Variants in LOC112694756 observed in about 807,000 individuals in gnomAD.
the LOC112694756 span, chr16:30,063,904 C>T: frequency 1.0e-5 from 4 of 398,974 alleles, no homozygotes; most frequent in Non-Finnish European, 1.8e-5. Flanking sequence ...GCCCTCCTCC[C>T]TGAAGAGCCT....
chr16:30,069,130 G>A, the LOC112694756 span: 2 of 1,371,070 alleles, frequency 1.5e-6, no homozygotes, highest in South Asian at 2.4e-5. Flanking sequence ...AAGGCAGAGG[G>A]GCCAAGGAGG....
the LOC112694756 span, among the ~76,000 whole-genome samples, chr16:30,063,232 G>A: frequency 3.3e-5 from 5 of 152,028 alleles, no homozygotes; most frequent in African/African-American, 1.2e-4. Context: ...CGGTCTGTTC[G>A]TTGCACAGAG....
chr16:30,063,171 A>G, the LOC112694756 span, among the ~76,000 whole-genome samples: 1 of 152,064 alleles, frequency 6.6e-6, no homozygotes, highest in Non-Finnish European at 1.5e-5. Flanking sequence ...AAATAGGTAA[A>G]TTGCCATTTT....
At chr16:30,054,511 CAA>C in the LOC112694756 span, 2 of 289,476 alleles carry the variant, frequency 6.9e-6, no homozygotes, top group East Asian at 5.7e-5. Flanking sequence ...GAGTCAGAGA[CAA>C]GAGATCTCTT....
chr16:30,062,808 C>T, the LOC112694756 span, among the ~76,000 whole-genome samples: 1 of 151,330 alleles, frequency 6.6e-6, no homozygotes, highest in African/African-American at 2.4e-5. Flanking sequence ...CCATTGTGCT[C>T]CAGCCTGGGC....
the LOC112694756 span, chr16:30,067,153 T>A: frequency 6.7e-5 from 107 of 1,598,084 alleles, no homozygotes; most frequent in Non-Finnish European, 8.7e-5. Context: ...TTCCCTGACC[T>A]CCAGGAGAGG....
chr16:30,065,140 G>C, the LOC112694756 span, among the ~76,000 whole-genome samples: 4 of 152,230 alleles, frequency 2.6e-5, no homozygotes, highest in African/African-American at 9.6e-5. Context: ...AACTCGGATG[G>C]GGAGGTCTCG....
chr16:30,067,053 C>T, the LOC112694756 span: 2 of 1,576,028 alleles, frequency 1.3e-6, no homozygotes, highest in East Asian at 4.7e-5. Context: ...AGGGGCAGGC[C>T]TAGCAAAGGG....
chr16:30,070,208 A>G, the LOC112694756 span: 8 of 1,613,942 alleles, frequency 5.0e-6, no homozygotes, highest in East Asian at 2.2e-5. Context: ...AACCACGCCT[A>G]TTAAGCGGAG....
the LOC112694756 span, chr16:30,070,100 C>T: frequency 1.7e-5 from 28 of 1,613,896 alleles, no homozygotes; most frequent in Non-Finnish European, 2.2e-5. Context: ...TCTCACTCCA[C>T]CCCTCTCCCT....
the LOC112694756 span, chr16:30,069,284 G>C: frequency 1.9e-6 from 3 of 1,613,892 alleles, no homozygotes. Flanking sequence ...GCCTCACAGT[G>C]ACCCTGTCCC....
At chr16:30,063,296 A>T in the LOC112694756 span, among the ~76,000 whole-genome samples, 3 of 152,194 alleles carry the variant, frequency 2.0e-5, no homozygotes, top group African/African-American at 7.2e-5. Flanking sequence ...ATGCTGAAGA[A>T]GTCCATAAAG....
the LOC112694756 span, chr16:30,053,445 C>A: frequency 6.5e-6 from 1 of 153,014 alleles, no homozygotes; most frequent in Non-Finnish European, 1.5e-5. Flanking sequence ...CTCTGAGACC[C>A]AGAACCTTCC....
chr16:30,068,932 T>C, the LOC112694756 span: 1 of 1,614,112 alleles, frequency 6.2e-7, no homozygotes, highest in Admixed American at 1.7e-5. Context: ...CTCGCCATCA[T>C]GGAAAATGCC....
the LOC112694756 span, chr16:30,067,785 CT>C: frequency 1.8e-6 from 2 of 1,104,110 alleles, no homozygotes; most frequent in Non-Finnish European, 1.4e-6. Context: ...CTGCTTCAGG[CT>C]TAGGGCATTT....
the LOC112694756 span, chr16:30,068,714 GA>G: frequency 6.2e-7 from 1 of 1,614,238 alleles, no homozygotes; most frequent in South Asian, 1.1e-5. Flanking sequence ...AGAACTGTTT[GA>G]TTCTCTGCCC....
At chr16:30,066,187 C>G in the LOC112694756 span, 25 of 152,374 alleles carry the variant, frequency 1.6e-4, no homozygotes, top group African/African-American at 5.8e-4. Flanking sequence ...GCAGGGACCC[C>G]TGTGGCAAAG....
the LOC112694756 span, chr16:30,064,541 C>G: frequency 5.0e-6 from 2 of 398,726 alleles, no homozygotes; most frequent in East Asian, 3.6e-5. Flanking sequence ...ATCAATAGGG[C>G]CGACCCAAGT....
the LOC112694756 span, among the ~76,000 whole-genome samples, chr16:30,054,179 G>GCGT: frequency 6.6e-6 from 1 of 152,026 alleles, no homozygotes; most frequent in Non-Finnish European, 1.5e-5. Flanking sequence ...CATTAGCTGG[G>GCGT]CGTCGTGGCG....
Sources: allele counts gnomAD v4.1 joint callset (sites outside exome capture counted in the v4.1 genomes callset), GRCh38; gene constraint gnomAD v4.1.1; transcripts MANE v1.5.